Variants in FLT1 observed in about 807,000 individuals in gnomAD.
The protein encoded by FLT1 is fms related receptor tyrosine kinase 1, also known as vascular endothelial growth factor receptor 1.
Under a neutral mutation model 156.3 loss-of-function variants are expected in FLT1, and 49 were observed. The ratio of observed to expected loss-of-function variants is 0.31; its 90% confidence interval spans 0.25 to 0.40. FLT1 has a LOEUF of 0.40. FLT1 is among the 10% of genes least tolerant of loss of function. The probability of loss-of-function intolerance (pLI) is 1.00; values close to 1 mark genes in which losing one functional copy is unlikely to be tolerated. For synonymous variants in FLT1, 594 were observed against 583.8 expected, an observed-to-expected ratio of 1.02 and a Z score of -0.25; for missense variants, 1,322 against 1,637.2, an observed-to-expected ratio of 0.81 and a Z score of 3.32.
At position 28,322,863 on chromosome 13, in the gene FLT1, G is replaced by A; in HGVS notation, c.2880C>T (p.Val960=). 1 of 1,614,132 alleles carries A rather than the reference G, an allele frequency of 6.2e-7. No homozygotes were observed. Among genetic ancestry groups the A allele is most frequent in the Non-Finnish European group, 8.5e-7 (1 of 1,180,016 alleles). The change falls in exon 21 of 30, where the codon GTC becomes GTT. Residue 960 remains valine, a synonymous_variant. Coordinates refer to ENST00000282397, the MANE Select transcript of FLT1 (RefSeq NM_002019.4). The surrounding 1 kb of genome is among the most constrained non-coding windows in gnomAD (Gnocchi z 4.3). ...AGCTCGCAAAGCTTTCGCTGCTGGT[G>A]ACGCTATCTAGTCTTGGTTTCTTGC... ...EQGKKPRLDS[V]TSSESFASSG...
In FLT1 at chr13:28,306,724, G is replaced by C; in HGVS notation, c.3769C>G (p.Arg1257Gly). Residue 1257 changes from arginine to glycine, a missense_variant, in exon 29 of 30, where the codon CGC becomes GGC. By Grantham distance (125) the Arg-to-Gly change is moderately radical. Coordinates refer to ENST00000282397, the MANE Select transcript of FLT1 (RefSeq NM_002019.4). ...GGTTTGCTGTCAGTCCAGGTGAAGCGCTTCAGCATGGGAGAGGCCAACAGA... is the reference window on the plus strand; with the variant it reads ...GGTTTGCTGTCAGTCCAGGTGAAGCCCTTCAGCATGGGAGAGGCCAACAGA... ...STLLASPMLKRFTWTDSKPKA... is the reference protein window; with the variant it reads ...STLLASPMLKGFTWTDSKPKA... 1.2e-6 allele frequency: 2 copies of C among 1,613,908 alleles called. No individual in the cohort carries two copies. Among genetic ancestry groups the C allele is most frequent in the Non-Finnish European group, 1.7e-6 (2 of 1,179,844 alleles).
intron 11 of FLT1, among the ~76,000 whole-genome samples, chr13:28,402,357 T>A (rs975550400): frequency 4.6e-5 from 7 of 152,196 alleles, no homozygotes; most frequent in African/African-American, 9.7e-5. Flanking sequence ...AAGCACTGCA[T>A]ATAATTCAGA....
At chr13:28,327,114 G>T (rs1871715685) in intron 20 of FLT1, among the ~76,000 whole-genome samples, 2 of 152,352 alleles carry the variant, frequency 1.3e-5, no homozygotes, top group South Asian at 4.1e-4. Context: ...CTTCCTTAAA[G>T]AAATAAGTGA....
At chr13:28,376,676 C>A (rs1392039984) in intron 14 of FLT1, among the ~76,000 whole-genome samples, 4 of 152,236 alleles carry the variant, frequency 2.6e-5, no homozygotes, top group Non-Finnish European at 5.9e-5. Flanking sequence ...TACAGTGCCA[C>A]TGTGAAGAGG....
At chr13:28,329,534 G>T in intron 19 of FLT1, 81 bp downstream of exon 19, 1 of 997,626 alleles carries the variant, frequency 1.0e-6, no homozygotes, top group Non-Finnish European at 1.6e-6. Flanking sequence ...ACAGTGCGGG[G>T]GAGAAGGAGC....
chr13:28,319,353 A>T (rs1470001512), intron 24 of FLT1, 70 bp downstream of exon 24: 2 of 1,048,648 alleles, frequency 1.9e-6, no homozygotes, highest in Non-Finnish European at 2.9e-6. Context: ...TGTCTAACCA[A>T]AGGACATTCA....
In FLT1 at chr13:28,339,277, G is replaced by A. The variant is rs1449889856; in HGVS notation, c.2379C>T (p.Asp793=). 1 of 1,612,912 alleles carries A rather than the reference G, an allele frequency of 6.2e-7. No homozygotes were observed. The highest frequency in any genetic ancestry group is 8.5e-7 in the Non-Finnish European group (1 of 1,178,966). The change falls in exon 17 of 30, where the codon GAC becomes GAT. Residue 793 remains aspartate (D), a synonymous_variant. Transcript: ENST00000282397. The stretch of plus-strand genomic sequence containing the variant: ...CTGGGTCCATTATAATTGATAGGTA[G>A]TCAGTCTTTATTTCAGAAGAAGACT... The part of the protein sequence containing the change: ...MKRSSSEIKT[D]YLSIIMDPDE...
intron 3 of FLT1, among the ~76,000 whole-genome samples, chr13:28,444,340 C>A (rs1335749882): frequency 6.6e-6 from 1 of 152,062 alleles, no homozygotes. Context: ...ACTCGGGAGG[C>A]TGAGGCAGGA....
intron 3 of FLT1, among the ~76,000 whole-genome samples, chr13:28,463,821 A>C (rs536302247): frequency 6.6e-6 from 1 of 152,190 alleles, no homozygotes; most frequent in Non-Finnish European, 1.5e-5. Context: ...AATGAGAGAG[A>C]GACATAAAAT....
At chr13:28,485,587 C>A (rs1370030533) in intron 1 of FLT1, among the ~76,000 whole-genome samples, 1 of 152,250 alleles carries the variant, frequency 6.6e-6, no homozygotes, top group Non-Finnish European at 1.5e-5. Flanking sequence ...AATAGCTAGA[C>A]TGAAAAGCAA....
At chr13:28,314,301 G>C (rs1389918513) in intron 25 of FLT1, among the ~76,000 whole-genome samples, 1 of 152,042 alleles carries the variant, frequency 6.6e-6, no homozygotes, top group Admixed American at 6.6e-5. Flanking sequence ...ACAACCACTT[G>C]CTGTTTGTTA....
chr13:28,322,960 G>A lies in FLT1; in HGVS notation c.2797-14C>T, dbSNP rs1247584213. ...TAGTGCTGCATCCTTTGAAGAGACC[G>A]AAAAGGACCCAGGTGAAAAGGAGCT... On this transcript the variant is annotated splice_polypyrimidine_tract_variant and intron_variant, in intron 20 of 29. Transcript: ENST00000282397. This position sits in a 1 kb window ranked among gnomAD's most constrained non-coding sequence, Gnocchi z 4.3. 1.2e-6 allele frequency: 2 copies of A among 1,613,974 alleles called. No homozygotes were observed. The highest frequency in any genetic ancestry group is 1.7e-4 in the Middle Eastern group (1 of 6,060).
At chr13:28,315,918 C>T (rs977710337) in intron 25 of FLT1, among the ~76,000 whole-genome samples, 4 of 152,194 alleles carry the variant, frequency 2.6e-5, no homozygotes, top group South Asian at 2.1e-4. Flanking sequence ...CTTCAGTTCT[C>T]GGCATCTCAG....
intron 16 of FLT1, among the ~76,000 whole-genome samples, chr13:28,339,768 G>A (rs1344287675): frequency 6.6e-6 from 1 of 152,130 alleles, no homozygotes; most frequent in Non-Finnish European, 1.5e-5. Flanking sequence ...AGCAAGAAGT[G>A]GCAAAGTAAA....
At chr13:28,385,433 A>T in intron 13 of FLT1, 1 of 707,990 alleles carries the variant, frequency 1.4e-6, no homozygotes, top group Non-Finnish European at 1.8e-6. Flanking sequence ...ATAGTGCTGT[A>T]GTGATAGGCT....
chr13:28,414,640 T>C (rs9513104), intron 10 of FLT1, among the ~76,000 whole-genome samples: 145,808 of 152,318 alleles, frequency 0.96, 70,001 homozygotes, highest in East Asian at 1. Context: ...TACTTACGTA[T>C]GGACAGGGAC....
chr13:28,317,181 G>T (rs1357612233), intron 25 of FLT1, among the ~76,000 whole-genome samples: 2 of 152,202 alleles, frequency 1.3e-5, no homozygotes, highest in Admixed American at 1.3e-4. Context: ...TTCCTGGGTG[G>T]TCTGTTTGTT....
At chr13:28,326,779 G>A (rs1871700596) in intron 20 of FLT1, among the ~76,000 whole-genome samples, 1 of 152,050 alleles carries the variant, frequency 6.6e-6, no homozygotes, top group African/African-American at 2.4e-5. Flanking sequence ...ACCTGCCTCA[G>A]CCCCCAAAGT....
intron 14 of FLT1, among the ~76,000 whole-genome samples, chr13:28,375,388 T>G (rs1360182181): frequency 6.6e-4 from 1 of 1,506 alleles, no homozygotes; most frequent in Non-Finnish European, 0.05. Flanking sequence ...CATTTTCAAT[T>G]TTTTTTTTTT....
Sources: gnomAD v4.1 joint callset for allele counts (sites outside exome capture counted in the v4.1 genomes callset) on GRCh38, gnomAD v4.1.1 for gene constraint, Gnocchi (gnomAD v3.1) non-coding constraint, MANE v1.5 for transcripts, NCBI Gene and HGNC (gene_info 2026-07-23, HGNC 2026-07-21) for gene names.